AKAP19: variants seen among roughly 807,000 people sequenced by gnomAD.
The protein encoded by AKAP19 is A-kinase anchoring protein 19.
the AKAP19 span, chr2:190,057,551 A>T: frequency 6.2e-7 from 1 of 1,613,454 alleles, no homozygotes; most frequent in South Asian, 1.1e-5. Flanking sequence ...CAGCATCGTG[A>T]TTCTGTTGAG....
chr2:190,156,460 A>G, the AKAP19 span, among the ~76,000 whole-genome samples: 23 of 152,200 alleles, frequency 1.5e-4, no homozygotes, highest in African/African-American at 5.1e-4. Context: ...TCAAAAGAAA[A>G]TGAATGCTAT....
the AKAP19 span, among the ~76,000 whole-genome samples, chr2:189,914,349 A>G: frequency 6.6e-6 from 1 of 152,226 alleles, no homozygotes; most frequent in African/African-American, 2.4e-5. Context: ...TGTTCTTAAC[A>G]TTCTTATTAA....
At chr2:189,949,631 CTT>C in the AKAP19 span, among the ~76,000 whole-genome samples, 13 of 117,754 alleles carry the variant, frequency 1.1e-4, no homozygotes, top group African/African-American at 1.6e-4. Flanking sequence ...CTTTTTCTTT[CTT>C]TTTTTTTTTT....
chr2:189,962,775 CATT>C, the AKAP19 span, among the ~76,000 whole-genome samples: 2 of 152,028 alleles, frequency 1.3e-5, no homozygotes, highest in African/African-American at 4.8e-5. Flanking sequence ...CTTTACATAA[CATT>C]TATTTTTAAA....
At chr2:190,200,358 T>C in the AKAP19 span, 1 of 536,428 alleles carries the variant, frequency 1.9e-6, no homozygotes, top group Non-Finnish European at 3.4e-6. Flanking sequence ...ATTTTAGTCA[T>C]CTGAAGGGCT....
At chr2:190,175,928 AC>A in the AKAP19 span, among the ~76,000 whole-genome samples, 2 of 151,682 alleles carry the variant, frequency 1.3e-5, no homozygotes, top group Non-Finnish European at 2.9e-5. Context: ...TGGGATTAAA[AC>A]CCCTTTAAAC....
chr2:190,074,503 T>C, the AKAP19 span, among the ~76,000 whole-genome samples: 1 of 151,960 alleles, frequency 6.6e-6, no homozygotes, highest in Admixed American at 6.6e-5. Flanking sequence ...ATACAAAAAT[T>C]AGCTGGGCGT....
chr2:190,011,050 C>CTTTTTTTTTTTTT, the AKAP19 span, among the ~76,000 whole-genome samples: 1 of 59,550 alleles, frequency 1.7e-5, no homozygotes, highest in Non-Finnish European at 3.3e-5. Flanking sequence ...CTCTCTCTCT[C>CTTTTTTTTTTTTT]TTTTTTTTTT....
chr2:190,176,390 C>G, the AKAP19 span, among the ~76,000 whole-genome samples: 2 of 152,140 alleles, frequency 1.3e-5, no homozygotes, highest in African/African-American at 4.8e-5. The surrounding 1 kb of genome is among the most constrained non-coding windows in gnomAD (Gnocchi z 4.7). Flanking sequence ...CACTGTCACC[C>G]GGGCTGGAGT....
chr2:189,888,724 A>T, the AKAP19 span, among the ~76,000 whole-genome samples: 1 of 152,166 alleles, frequency 6.6e-6, no homozygotes, highest in South Asian at 2.1e-4. Flanking sequence ...GAGTTCACTC[A>T]TGATTTGGCT....
At chr2:189,925,660 T>C in the AKAP19 span, among the ~76,000 whole-genome samples, 47 of 152,226 alleles carry the variant, frequency 3.1e-4, 1 homozygote, top group Middle Eastern at 3.4e-3. Context: ...GTGCAATACA[T>C]GTTTTCCGAA....
the AKAP19 span, among the ~76,000 whole-genome samples, chr2:189,967,855 A>G: frequency 7.7e-6 from 1 of 129,118 alleles, no homozygotes; most frequent in African/African-American, 3.8e-5. Context: ...ATTTGAAATT[A>G]AAAAAAAAAA....
the AKAP19 span, among the ~76,000 whole-genome samples, chr2:190,162,754 T>C: frequency 6.6e-6 from 1 of 152,226 alleles, no homozygotes; most frequent in Non-Finnish European, 1.5e-5. Flanking sequence ...TATCAGAGGA[T>C]TCCTTTGGAG....
At chr2:189,974,540 C>T in the AKAP19 span, among the ~76,000 whole-genome samples, 522 of 152,200 alleles carry the variant, frequency 3.4e-3, 1 homozygote, top group Non-Finnish European at 5.0e-3. Flanking sequence ...TCCTTTTTAA[C>T]TTTCTGTTTC....
the AKAP19 span, among the ~76,000 whole-genome samples, chr2:189,922,906 T>G: frequency 6.6e-6 from 1 of 152,102 alleles, no homozygotes; most frequent in East Asian, 1.9e-4. Context: ...TCTTAGCACT[T>G]TGGGAGGCTG....
the AKAP19 span, among the ~76,000 whole-genome samples, chr2:189,952,081 A>G: frequency 1.3e-5 from 2 of 152,338 alleles, no homozygotes; most frequent in Non-Finnish European, 2.9e-5. Context: ...CCCCTAGCCT[A>G]ATACCCTTTG....
chr2:190,033,516 G>GT, the AKAP19 span, among the ~76,000 whole-genome samples: 2 of 152,170 alleles, frequency 1.3e-5, no homozygotes, highest in Non-Finnish European at 2.9e-5. Flanking sequence ...GCTAACCAGG[G>GT]TTATGGGCAT....
chr2:190,035,556 G>T, the AKAP19 span, among the ~76,000 whole-genome samples: 228 of 152,180 alleles, frequency 1.5e-3, no homozygotes, highest in African/African-American at 5.3e-3. Context: ...GCTGTGTGCT[G>T]AGAGTAGCCC....
At chr2:190,126,914 TCTC>T in the AKAP19 span, among the ~76,000 whole-genome samples, 2 of 151,954 alleles carry the variant, frequency 1.3e-5, no homozygotes, top group African/African-American at 4.8e-5. Flanking sequence ...ACACACACAC[TCTC>T]CTCAAGTTTC....
Sources: allele counts gnomAD v4.1 joint callset (sites outside exome capture counted in the v4.1 genomes callset), GRCh38; gene constraint gnomAD v4.1.1; non-coding constraint Gnocchi (gnomAD v3.1); transcripts MANE v1.5; gene names NCBI Gene and HGNC (gene_info 2026-07-23, HGNC 2026-07-21).